Variants in CDK15 observed in about 807,000 individuals in gnomAD.
The protein encoded by CDK15 is cyclin-dependent kinase 15.
A neutral mutation model predicts 60.3 loss-of-function variants in CDK15; 62 were observed. The ratio of observed to expected loss-of-function variants is 1.03; its 90% CI spans 0.84 to 1.27. CDK15 has a LOEUF of 1.27. CDK15 is among the 50% of genes most tolerant of loss of function. The pLI, the probability that CDK15 is intolerant of heterozygous loss-of-function variation, is 0.00. For synonymous variants in CDK15, 194 were observed against 195.7 expected, an observed-to-expected ratio of 0.99 and a Z score of 0.07; for missense variants, 541 against 527.8, an observed-to-expected ratio of 1.03 and a Z score of -0.25.
intron 8 of CDK15, among the ~76,000 whole-genome samples, chr2:201,842,316 G>A (rs1317101865): frequency 6.6e-6 from 1 of 152,140 alleles, no homozygotes. Context: ...AGTACACTGA[G>A]TTTTCCAGAA....
chr2:201,812,345 T>C, intron 3 of CDK15, 138 bp from the exon 4 acceptor site: 1 of 550,208 alleles, frequency 1.8e-6, no homozygotes, highest in Non-Finnish European at 3.3e-6. Flanking sequence ...ATGTTAAACT[T>C]TTTATTTTGA....
intron 6 of CDK15, among the ~76,000 whole-genome samples, chr2:201,830,683 T>C (rs1696715188): frequency 6.6e-6 from 1 of 152,076 alleles, no homozygotes; most frequent in South Asian, 2.1e-4. Flanking sequence ...ACATCTTCAG[T>C]GAATGACAGA....
Position 201,894,115 on chromosome 2 carries a change from C to CACACA in CDK15, c.*848_*849insACACA, listed in dbSNP as rs1699714523. On this transcript the variant is annotated 3_prime_UTR_variant, in exon 14 of 14. Coordinates refer to ENST00000652192, the MANE Select transcript of CDK15 (RefSeq NM_001366386.2). The stretch of plus-strand genomic sequence containing the variant: ...CACACACACACACACACACACACAC[C>CACACA]CCTCAAGTAAAATGAGAGATCTGTC... The CACACA allele has an allele frequency of 2.2e-5, 3 of 133,412 alleles. 1 individual carries two copies. The highest frequency in any genetic ancestry group is 1.0e-4 in the African/African-American group (3 of 28,708). The allele number at this position is 133,412 out of a possible 1,614,324, so 8.3% of individuals were successfully genotyped here. A position where few individuals can be genotyped will look rare whatever the true frequency, so the allele number is the denominator to read the frequency against.
intron 6 of CDK15, among the ~76,000 whole-genome samples, chr2:201,831,016 A>G (rs1235320943): frequency 6.6e-6 from 1 of 152,226 alleles, no homozygotes; most frequent in Non-Finnish European, 1.5e-5. Flanking sequence ...AAGAATGGAG[A>G]CTAAACAGTG....
At chr2:201,847,193 T>C (rs1266884042) in intron 8 of CDK15, among the ~76,000 whole-genome samples, 188 bp from the exon 9 acceptor site, 2 of 152,230 alleles carry the variant, frequency 1.3e-5, no homozygotes, top group African/African-American at 4.8e-5. Flanking sequence ...TCCATTTTAA[T>C]AAAAAGCTGT....
chr2:201,874,919 G>A (rs1227452693), intron 11 of CDK15, among the ~76,000 whole-genome samples: 1 of 151,928 alleles, frequency 6.6e-6, no homozygotes, highest in Non-Finnish European at 1.5e-5. Flanking sequence ...GAAAACCAAA[G>A]AACCCAGTTG....
chr2:201,817,053 C>T (rs1696027526), intron 4 of CDK15, among the ~76,000 whole-genome samples: 1 of 152,234 alleles, frequency 6.6e-6, no homozygotes, highest in African/African-American at 2.4e-5. Flanking sequence ...GGTACACCCG[C>T]TGCTGCTGAA....
chr2:201,850,659 T>C (rs1193309305), intron 9 of CDK15, among the ~76,000 whole-genome samples: 1 of 152,210 alleles, frequency 6.6e-6, no homozygotes, highest in Non-Finnish European at 1.5e-5. Context: ...ATGCCCTGTA[T>C]TGGGATTGCT....
Position 201,818,622 on chromosome 2 carries a change from C to A in CDK15, c.449-4187C>A, listed in dbSNP as rs771442074. Among the ~76,000 whole-genome samples the A allele has an allele frequency of 8.5e-5, 13 of 152,270 alleles. 1 individual carries two copies. The highest frequency in any genetic ancestry group is 7.8e-4 in the Admixed American group (12 of 15,294). On this transcript the variant is annotated intron_variant, in intron 4 of 13. Transcript: ENST00000652192. ...CTGGTGGATGGACCAAAATGATAAA[C>A]AATACTGTGAGATAAATGCTTTAAA...
rs1203126670 is a variant in CDK15, at chr2:201,850,686, C to T, written c.945+3212C>T. ...GGGATTGCTGGATCATATGGTAGTT[C>T]CATTTTTAATATTTTGAGGAACCTC... On this transcript the variant is annotated intron_variant, in intron 9 of 13. Transcript: ENST00000652192. Among the ~76,000 whole-genome samples the T allele has an allele frequency of 3.9e-5, 6 of 152,236 alleles. No individual in the cohort carries two copies. The East Asian group carries it at 1.2e-3, about 29-fold the overall frequency.
chr2:201,820,989 G>T (rs1696196750), intron 4 of CDK15, among the ~76,000 whole-genome samples: 1 of 152,138 alleles, frequency 6.6e-6, no homozygotes, highest in Non-Finnish European at 1.5e-5. Context: ...CTGGCTCACA[G>T]ATCTGATAAC....
At chr2:201,879,991 G>A (rs774780472) in intron 11 of CDK15, 37 bp from the exon 12 acceptor site, 3 of 1,607,650 alleles carry the variant, frequency 1.9e-6, no homozygotes, top group African/African-American at 2.7e-5. Flanking sequence ...AAGGGAGGCT[G>A]CTGGAGAAAC....
chr2:201,878,743 A>C (rs1410247192), intron 11 of CDK15, among the ~76,000 whole-genome samples: 1 of 152,224 alleles, frequency 6.6e-6, no homozygotes, highest in South Asian at 2.1e-4. Context: ...CCAAGGTGCC[A>C]GCAGCTTAGG....
chr2:201,834,061 A>T, intron 7 of CDK15, 90 bp downstream of exon 7: 1 of 1,441,592 alleles, frequency 6.9e-7, no homozygotes, highest in Non-Finnish European at 9.3e-7. Context: ...TGGCCTTTGA[A>T]AACTGGAGGC....
chr2:201,862,605 A>G (rs1698445001), intron 10 of CDK15, among the ~76,000 whole-genome samples: 1 of 152,166 alleles, frequency 6.6e-6, no homozygotes, highest in Admixed American at 6.5e-5. Flanking sequence ...CACTTTACAT[A>G]TTTTACTTTA....
chr2:201,814,378 T>C (rs1292733751), intron 4 of CDK15, among the ~76,000 whole-genome samples: 1 of 152,222 alleles, frequency 6.6e-6, no homozygotes, highest in Non-Finnish European at 1.5e-5. Flanking sequence ...GCTCGTGTAA[T>C]ATTAAAAACC....
intron 11 of CDK15, among the ~76,000 whole-genome samples, 197 bp from the exon 12 acceptor site, chr2:201,879,831 C>T (rs1460698560): frequency 6.6e-6 from 1 of 152,150 alleles, no homozygotes; most frequent in Non-Finnish European, 1.5e-5. Context: ...TCCCCTTCAA[C>T]TTAGTAACAG....
At chr2:201,840,765 C>A (rs1222508580) in intron 8 of CDK15, among the ~76,000 whole-genome samples, 1 of 152,170 alleles carries the variant, frequency 6.6e-6, no homozygotes, top group Admixed American at 6.5e-5. Context: ...GCCTTATTAT[C>A]TTCCTTTTGC....
At chr2:201,865,853 G>A (rs1312528726) in intron 10 of CDK15, among the ~76,000 whole-genome samples, 2 of 126,790 alleles carry the variant, frequency 1.6e-5, no homozygotes, top group Non-Finnish European at 3.1e-5. Flanking sequence ...TCGTGCCACT[G>A]CACTCCAGCC....
Sources: allele counts gnomAD v4.1 joint callset (sites outside exome capture counted in the v4.1 genomes callset), GRCh38; gene constraint gnomAD v4.1.1; transcripts MANE v1.5; gene names NCBI Gene and HGNC (gene_info 2026-07-23, HGNC 2026-07-21).